RAD51B: variants seen among roughly 807,000 people sequenced by gnomAD.
RAD51B encodes DNA repair protein RAD51 homolog 2.
In RAD51B, 38 loss-of-function variants were observed where a neutral mutation model predicts 42.2. The ratio of observed to expected loss-of-function variants is 0.90; its 90% CI spans 0.70 to 1.18. The LOEUF (loss-of-function observed/expected upper bound fraction) is 1.18. RAD51B is among the 50% of genes most tolerant of loss of function. RAD51B has a pLI of 0.00. For missense variants in RAD51B, 373 were observed against 400.7 expected (o/e 0.93, Z 0.59); for synonymous variants, 154 against 145.2 (o/e 1.06, Z -0.43).
intron 8 of RAD51B, among the ~76,000 whole-genome samples, chr14:68,343,500 G>T (rs12883719): frequency 0.49 from 74,067 of 152,078 alleles, 21,258 homozygotes; most frequent in South Asian, 0.65. Context: ...ATTTAAAGTT[G>T]GAACTTACAT....
chr14:68,161,248 C>T (rs1351396178), intron 7 of RAD51B, among the ~76,000 whole-genome samples: 2 of 152,004 alleles, frequency 1.3e-5, no homozygotes, highest in Non-Finnish European at 2.9e-5. Flanking sequence ...TATTACACAT[C>T]ATTTTGTCAG....
chr14:68,612,265 A>G (rs866258050), downstream of RAD51B, among the ~76,000 whole-genome samples: 1 of 152,208 alleles, frequency 6.6e-6, no homozygotes, highest in South Asian at 2.1e-4. Flanking sequence ...CGAGGGACGA[A>G]TTCCTGTGTT....
intron 7 of RAD51B, among the ~76,000 whole-genome samples, chr14:68,141,076 G>T (rs909900810): frequency 2.6e-5 from 4 of 152,168 alleles, no homozygotes; most frequent in Non-Finnish European, 5.9e-5. Flanking sequence ...TGAGCATAGG[G>T]TCACCCTTGT....
At chr14:68,013,967 A>C (rs2075731380) in intron 7 of RAD51B, among the ~76,000 whole-genome samples, 1 of 152,214 alleles carries the variant, frequency 6.6e-6, no homozygotes, top group African/African-American at 2.4e-5. Context: ...CTGACTGACC[A>C]AACTTGATTT....
intron 10 of RAD51B, chr14:68,541,896 G>T (rs2140368873): frequency 1.1e-6 from 1 of 932,888 alleles, no homozygotes; most frequent in South Asian, 5.0e-5. Flanking sequence ...ATCCCCATTG[G>T]TCCTCTATTT....
chr14:68,192,739 C>G (rs1358798490), intron 7 of RAD51B, among the ~76,000 whole-genome samples: 1 of 152,154 alleles, frequency 6.6e-6, no homozygotes, highest in Non-Finnish European at 1.5e-5. Flanking sequence ...ATCTCTCTCT[C>G]CTTTTTTAAC....
intron 5 of RAD51B, among the ~76,000 whole-genome samples, chr14:67,871,586 A>G (rs2042533717): frequency 6.6e-6 from 1 of 152,210 alleles, no homozygotes; most frequent in Non-Finnish European, 1.5e-5. Flanking sequence ...AACTGATTTT[A>G]TGAGGCCAGC....
intron 7 of RAD51B, among the ~76,000 whole-genome samples, chr14:68,001,299 A>G (rs1215066870): frequency 6.6e-6 from 1 of 152,136 alleles, no homozygotes; most frequent in East Asian, 1.9e-4. Flanking sequence ...CTTGAATAGA[A>G]GTGTCATAGT....
chr14:67,841,525 TTTC>T (rs535211931), intron 4 of RAD51B, among the ~76,000 whole-genome samples: 94 of 152,312 alleles, frequency 6.2e-4, no homozygotes, highest in African/African-American at 2.2e-3. Context: ...TTTCCTTGGT[TTTC>T]TTCTAGGATT....
At chr14:68,021,645 C>T (rs2075867936) in intron 7 of RAD51B, among the ~76,000 whole-genome samples, 1 of 152,168 alleles carries the variant, frequency 6.6e-6, no homozygotes, top group Admixed American at 6.5e-5. Flanking sequence ...ATCTTATTTA[C>T]AGGCATACCT....
intron 7 of RAD51B, among the ~76,000 whole-genome samples, chr14:68,210,632 C>T (rs1269645496): frequency 1.3e-5 from 2 of 152,022 alleles, no homozygotes; most frequent in South Asian, 2.1e-4. Flanking sequence ...GGAAAAAACA[C>T]TGAACTTAAA....
At chr14:68,679,133 T>C (rs1208431879) in intron 11 of RAD51B, among the ~76,000 whole-genome samples, 1 of 152,178 alleles carries the variant, frequency 6.6e-6, no homozygotes, top group African/African-American at 2.4e-5. Flanking sequence ...ATGTAAGTAA[T>C]GTAAGTACAC....
At chr14:68,528,759 G>A (rs958125360) in intron 10 of RAD51B, among the ~76,000 whole-genome samples, 2 of 31,752 alleles carry the variant, frequency 6.3e-5, no homozygotes, top group African/African-American at 2.4e-4. Flanking sequence ...TTTAAAATGG[G>A]TTACTTAATA....
chr14:67,845,139 C>T (rs1344039026), intron 4 of RAD51B, among the ~76,000 whole-genome samples: 1 of 152,132 alleles, frequency 6.6e-6, no homozygotes, highest in African/African-American at 2.4e-5. Context: ...TTGATATTGT[C>T]ATCATGTTGT....
At chr14:68,622,676 TG>T (rs1461056149) in intron 10 of RAD51B, among the ~76,000 whole-genome samples, 3 of 143,660 alleles carry the variant, frequency 2.1e-5, no homozygotes, top group African/African-American at 7.8e-5. Context: ...TGATAGCCCT[TG>T]GTGACTTACA....
intron 4 of RAD51B, among the ~76,000 whole-genome samples, chr14:67,851,232 G>A (rs963073990): frequency 6.6e-6 from 1 of 152,100 alleles, no homozygotes; most frequent in African/African-American, 2.4e-5. Context: ...GTCCCTAGAT[G>A]GCTGGCTGGA....
At chr14:67,971,466 G>T (rs1396444059) in intron 7 of RAD51B, among the ~76,000 whole-genome samples, 1 of 152,060 alleles carries the variant, frequency 6.6e-6, no homozygotes, top group Admixed American at 6.6e-5. Flanking sequence ...GACTTGCTTT[G>T]TATCTGTTGT....
intron 9 of RAD51B, among the ~76,000 whole-genome samples, chr14:68,455,222 T>G (rs1408497932): frequency 1.3e-5 from 2 of 152,196 alleles, no homozygotes. Context: ...TTGAATAACA[T>G]ATTCAAACTG....
At position 68,460,757 on chromosome 14, in the gene RAD51B, A is replaced by C. The variant is rs1341006738; in HGVS notation, c.958-7415A>C. Reference sequence around the variant, plus strand: ...CAGGCCAGGAAAAACATGTGATGCTATAGCAAGCTGAAACCAAAGACTTGA... The same window carrying C: ...CAGGCCAGGAAAAACATGTGATGCTCTAGCAAGCTGAAACCAAAGACTTGA... On this transcript the variant is annotated intron_variant, in intron 9 of 10. Transcript: ENST00000471583. 2.6e-5 allele frequency among the ~76,000 whole-genome samples: 4 copies of C among 152,182 alleles called. No homozygotes were observed. In the East Asian group the frequency reaches 7.7e-4, roughly 29 times the overall value.
Sources: allele counts gnomAD v4.1 joint callset (sites outside exome capture counted in the v4.1 genomes callset), GRCh38; gene constraint gnomAD v4.1.1; transcripts MANE v1.5; gene names NCBI Gene and HGNC (gene_info 2026-07-23, HGNC 2026-07-21).